SETBP1: variants seen among roughly 807,000 people sequenced by gnomAD.
SETBP1 encodes the protein SET-binding protein.
In SETBP1, 9 loss-of-function variants were observed where a neutral mutation model predicts 101.0. The ratio of observed to expected loss-of-function variants is 0.09; its 90% CI spans 0.05 to 0.16. The LOEUF (loss-of-function observed/expected upper bound fraction) is 0.16. Ranked by LOEUF, SETBP1 falls within the 10% of genes least tolerant of loss-of-function variation. The probability of loss-of-function intolerance (pLI) is 1.00; values close to 1 mark genes in which losing one functional copy is unlikely to be tolerated. For synonymous variants in SETBP1, 818 were observed against 788.5 expected (o/e 1.04, Z -0.63); for missense variants, 1,858 against 2,033.8 (o/e 0.91, Z 1.66).
intron 2 of SETBP1, among the ~76,000 whole-genome samples, chr18:44,867,265 A>G (rs2144668175): frequency 6.6e-6 from 1 of 152,324 alleles, no homozygotes; most frequent in Middle Eastern, 3.4e-3. Context: ...CTTTCTCCTT[A>G]AGGTCGGCTG....
At chr18:44,852,063 A>T (rs979917658) in intron 2 of SETBP1, among the ~76,000 whole-genome samples, 20 of 152,224 alleles carry the variant, frequency 1.3e-4, no homozygotes, top group Middle Eastern at 3.2e-3. Context: ...CGAGGCATCC[A>T]TCCTAATCAC....
intron 3 of SETBP1, among the ~76,000 whole-genome samples, chr18:44,874,362 G>A (rs550525073): frequency 3.0e-4 from 45 of 152,288 alleles, no homozygotes; most frequent in African/African-American, 1.1e-3. Flanking sequence ...TCCATCTGAA[G>A]ACAATGGGAG....
intron 4 of SETBP1, among the ~76,000 whole-genome samples, chr18:44,999,409 C>T (rs2072568450): frequency 1.3e-5 from 2 of 152,180 alleles, no homozygotes; most frequent in Admixed American, 1.3e-4. Flanking sequence ...TTAATCACTC[C>T]TGTTTTGTTC....
At position 45,064,749 on chromosome 18, in the gene SETBP1, G is replaced by T. The variant is rs1043111767; in HGVS notation, c.*1051G>T. On this transcript the variant is annotated 3_prime_UTR_variant, in exon 6 of 6. Transcript: ENST00000649279. ...AACCCCAGACCCACCAGAAAGACAA[G>T]TGTCTAGCAATGCCTTGGTACCTGA... is the stretch of plus-strand genomic sequence containing the variant. 6.7e-6 allele frequency: 1 copy of T among 148,604 alleles called. No homozygotes were observed. The highest frequency in any genetic ancestry group is 2.5e-5 in the African/African-American group (1 of 40,116). The allele number at this position is 148,604 out of a possible 1,614,324, so 9.2% of individuals were successfully genotyped here. A position where few individuals can be genotyped will look rare whatever the true frequency, so the allele number is the denominator to read the frequency against.
chr18:45,037,650 T>C (rs1484701760), intron 4 of SETBP1, among the ~76,000 whole-genome samples: 3 of 152,170 alleles, frequency 2.0e-5, no homozygotes, highest in African/African-American at 7.2e-5. Context: ...GAAATGGGAA[T>C]GCAGAATAGC....
chr18:45,004,908 C>T (rs143352985), intron 4 of SETBP1, among the ~76,000 whole-genome samples: 3 of 152,290 alleles, frequency 2.0e-5, no homozygotes, highest in African/African-American at 7.2e-5. Context: ...TGGGAGTGAT[C>T]CTGATAAGCT....
chr18:44,932,317 C>T (rs1037534046), intron 3 of SETBP1, among the ~76,000 whole-genome samples: 1 of 152,230 alleles, frequency 6.6e-6, no homozygotes, highest in Non-Finnish European at 1.5e-5. Flanking sequence ...CGCTGTTAGT[C>T]TGATGGGCTT....
At chr18:44,953,568 C>A (rs1158344664) in intron 4 of SETBP1, among the ~76,000 whole-genome samples, 1 of 152,192 alleles carries the variant, frequency 6.6e-6, no homozygotes, top group East Asian at 1.9e-4. Context: ...AACTGTGAAG[C>A]CATAACCCTA....
At chr18:44,887,163 G>C (rs1568201067) in intron 3 of SETBP1, among the ~76,000 whole-genome samples, 1 of 152,124 alleles carries the variant, frequency 6.6e-6, no homozygotes, top group Non-Finnish European at 1.5e-5. Flanking sequence ...CTCCCTTTGA[G>C]TGTTACTGGA....
At chr18:44,683,439 G>A (rs764160607) in intron 1 of SETBP1, among the ~76,000 whole-genome samples, 33 of 152,188 alleles carry the variant, frequency 2.2e-4, no homozygotes, top group Admixed American at 6.5e-4. Context: ...GCAGGATTTT[G>A]CTGAAGAAGA....
rs1305838845 is a variant in SETBP1 at position 45,066,645 on chromosome 18, C to G, written c.*2947C>G. 6.7e-6 allele frequency: 1 copy of G among 150,160 alleles called. No individual in the cohort carries two copies. The highest frequency in any genetic ancestry group is 1.5e-5 in the Non-Finnish European group (1 of 67,696). The allele number at this position is 150,160 out of a possible 1,614,324, so 9.3% of individuals were successfully genotyped here. On this transcript the variant is annotated 3_prime_UTR_variant, in exon 6 of 6. Coordinates refer to ENST00000649279, the MANE Select transcript of SETBP1 (RefSeq NM_015559.3). ...CCTGATCGTGGAGGTCTCTGGCCCC[C>G]CAACACTGCCTTCTGGGGGCTGCAT... is the stretch of plus-strand genomic sequence containing the variant.
chr18:44,847,976 C>G (rs140175013), intron 2 of SETBP1, among the ~76,000 whole-genome samples: 2 of 152,222 alleles, frequency 1.3e-5, no homozygotes, highest in African/African-American at 4.8e-5. Context: ...AAGCTCAACC[C>G]TGGCTCAACA....
At chr18:44,893,867 C>T (rs611232) in intron 3 of SETBP1, among the ~76,000 whole-genome samples, 81,744 of 151,598 alleles carry the variant, frequency 0.54, 22,046 homozygotes, top group Non-Finnish European at 0.55. Context: ...AAAAGTGTAT[C>T]TCTTATCTCT....
intron 4 of SETBP1, among the ~76,000 whole-genome samples, chr18:44,967,391 C>T (rs1299059564): frequency 6.6e-6 from 1 of 152,174 alleles, no homozygotes; most frequent in South Asian, 2.1e-4. Flanking sequence ...CTGCTAACCC[C>T]AGCCATAAAA....
chr18:45,003,488 A>G (rs768877466), intron 4 of SETBP1, among the ~76,000 whole-genome samples: 35 of 152,176 alleles, frequency 2.3e-4, no homozygotes, highest in Non-Finnish European at 4.4e-5. Context: ...TATGCCACCC[A>G]ACACCATCAT....
chr18:45,057,435 G>T (rs765978687), intron 5 of SETBP1, among the ~76,000 whole-genome samples: 9 of 152,118 alleles, frequency 5.9e-5, no homozygotes, highest in Non-Finnish European at 1.0e-4. Flanking sequence ...ATGCCATTGA[G>T]CTTGTATTTG....
At chr18:44,767,810 G>T (rs547253720) in intron 2 of SETBP1, among the ~76,000 whole-genome samples, 1 of 152,126 alleles carries the variant, frequency 6.6e-6, no homozygotes, top group Non-Finnish European at 1.5e-5. Flanking sequence ...CGAAATAGAC[G>T]TTTCATAGAG....
At chr18:44,850,486 T>C (rs2072829788) in intron 2 of SETBP1, among the ~76,000 whole-genome samples, 2 of 152,092 alleles carry the variant, frequency 1.3e-5, no homozygotes, top group African/African-American at 4.8e-5. Flanking sequence ...TTCTCCTGTC[T>C]CAGCTTCCCA....
intron 4 of SETBP1, among the ~76,000 whole-genome samples, chr18:44,962,793 G>A (rs2071639244): frequency 6.6e-6 from 1 of 152,164 alleles, no homozygotes; most frequent in South Asian, 2.1e-4. Flanking sequence ...CCCAAGAGCT[G>A]CCTCTGCTGT....
Sources: allele counts gnomAD v4.1 joint callset (sites outside exome capture counted in the v4.1 genomes callset), GRCh38; gene constraint gnomAD v4.1.1; transcripts MANE v1.5; gene names NCBI Gene and HGNC (gene_info 2026-07-23, HGNC 2026-07-21).